CEP135: variants seen among roughly 807,000 people sequenced by gnomAD.
The protein encoded by CEP135 is centrosomal protein of 135 kDa.
Under a neutral mutation model 157.3 loss-of-function variants are expected in CEP135, and 142 were observed. The ratio of observed to expected loss-of-function variants is 0.90; its 90% CI spans 0.79 to 1.04. The LOEUF is 1.04. Ranked by LOEUF, CEP135 falls within the 50% of genes least tolerant of loss-of-function variation. CEP135 has a pLI of 0.00. For missense variants in CEP135, 1,317 were observed against 1,309.2 expected, an observed-to-expected ratio of 1.01 and a Z score of -0.09; for synonymous variants, 396 against 439.8, an observed-to-expected ratio of 0.90 and a Z score of 1.25.
At chr4:55,956,746 G>A (rs978386686) in intron 4 of CEP135, among the ~76,000 whole-genome samples, 1 of 152,118 alleles carries the variant, frequency 6.6e-6, no homozygotes, top group Non-Finnish European at 1.5e-5. Context: ...AAGTAGCTGG[G>A]ATTACAGGTG....
At chr4:56,029,189 A>G (rs975545400) in intron 25 of CEP135, among the ~76,000 whole-genome samples, 1 of 152,238 alleles carries the variant, frequency 6.6e-6, no homozygotes, top group African/African-American at 2.4e-5. Flanking sequence ...GCCACCCTGT[A>G]AGCATCGCCA....
intron 6 of CEP135, among the ~76,000 whole-genome samples, chr4:55,961,101 CAAAAAAAAAAAA>C (rs59483327): frequency 1.4e-5 from 1 of 70,000 alleles, no homozygotes; most frequent in Non-Finnish European, 3.1e-5. Flanking sequence ...GACTCTGTCT[CAAAAAAAAAAAA>C]AAAAAAAGGA....
chr4:56,027,305 C>G (rs549594864), intron 25 of CEP135, among the ~76,000 whole-genome samples: 1 of 152,296 alleles, frequency 6.6e-6, no homozygotes, highest in South Asian at 2.1e-4. Context: ...CAAGCCAAAT[C>G]CATACCACTG....
rs144145450 is a variant in CEP135 at position 55,961,823 on chromosome 4, T to C, written c.699+2057T>C. On this transcript the variant is annotated intron_variant, in intron 6 of 25. Transcript: ENST00000257287. Reference sequence around the variant, plus strand: ...CATCTTCTGAGAATGTCACCTTGTCTCAACTTTCTATCTCTACCTTTAAAA... The same window carrying C: ...CATCTTCTGAGAATGTCACCTTGTCCCAACTTTCTATCTCTACCTTTAAAA... 8.4e-5 allele frequency among the ~76,000 whole-genome samples: 12 copies of C among 142,356 alleles called. No homozygotes were observed. The East Asian group carries it at 2.7e-3, about 31-fold the overall frequency. 93.4% of individuals were successfully genotyped at this position (142,356 alleles called of 152,430 possible). A position where few individuals can be genotyped will look rare whatever the true frequency, so the allele number is the denominator to read the frequency against.
At chr4:56,026,978 A>G (rs1731177309) in intron 25 of CEP135, among the ~76,000 whole-genome samples, 1 of 152,242 alleles carries the variant, frequency 6.6e-6, no homozygotes, top group Non-Finnish European at 1.5e-5. Flanking sequence ...CTCATTGTGA[A>G]CATTAGTTAT....
chr4:56,014,736 G>A (rs73240507), intron 21 of CEP135, among the ~76,000 whole-genome samples: 7,855 of 152,162 alleles, frequency 0.052, 228 homozygotes, highest in Non-Finnish European at 0.066. Flanking sequence ...AAAAAAGAAA[G>A]CAAGACATGA....
intron 10 of CEP135, among the ~76,000 whole-genome samples, chr4:55,973,230 T>C (rs1392953198): frequency 6.6e-6 from 1 of 152,170 alleles, no homozygotes. Flanking sequence ...ACCAGGCACA[T>C]TGAGAGCACT....
intron 13 of CEP135, among the ~76,000 whole-genome samples, chr4:55,982,507 A>G (rs934551932): frequency 6.6e-6 from 1 of 152,162 alleles, no homozygotes; most frequent in Admixed American, 6.5e-5. Context: ...TTTGATTTGC[A>G]TTGCCTTGAG....
chr4:56,012,525 C>T (rs1190181762), intron 21 of CEP135, among the ~76,000 whole-genome samples: 1 of 152,146 alleles, frequency 6.6e-6, no homozygotes, highest in African/African-American at 2.4e-5. Context: ...AGTTCTGTGG[C>T]ATTAGTACAT....
intron 17 of CEP135, among the ~76,000 whole-genome samples, chr4:56,002,410 C>G (rs1052393622): frequency 3.9e-4 from 60 of 151,980 alleles, no homozygotes; most frequent in African/African-American, 1.4e-3. Flanking sequence ...TATTTTCTTT[C>G]TGTACCCTTT....
chr4:56,001,580 A>G (rs1276210298), intron 17 of CEP135, among the ~76,000 whole-genome samples: 2 of 152,092 alleles, frequency 1.3e-5, no homozygotes, highest in Admixed American at 6.5e-5. Context: ...GTGTGGATTT[A>G]TATCTGGGTC....
chr4:55,965,693 A>G lies in CEP135; in HGVS notation c.878A>G (p.Glu293Gly), dbSNP rs779910712. 17 of 1,613,740 alleles carry G rather than the reference A, an allele frequency of 1.1e-5. No individual in the cohort carries two copies. In the Admixed American group the frequency reaches 2.8e-4, roughly 27 times the overall value. Residue 293 changes from glutamate (E) to glycine (G), a missense_variant, in exon 8 of 26, where the codon GAG becomes GGG. By Grantham distance (98) the Glu-to-Gly change is moderately conservative. Transcript: ENST00000257287. ...ANKDLEKRIR[E>G]LMETKETVTS... ...AAAGACCTGGAGAAGCGTATACGAG[A>G]GCTTATGGAAACCAAGGAAACAGTG...
intron 14 of CEP135, among the ~76,000 whole-genome samples, chr4:55,989,827 G>A (rs1729725656): frequency 6.6e-6 from 1 of 152,188 alleles, no homozygotes. Flanking sequence ...TAGCTCCTAG[G>A]AGTGCAAACT....
intron 18 of CEP135, 71 bp from the exon 19 acceptor site, chr4:56,009,664 T>A (rs767135143): frequency 7.4e-7 from 1 of 1,355,328 alleles, no homozygotes; most frequent in East Asian, 2.4e-5. Context: ...ACTTAGACTA[T>A]AAGTTTTCTT....
intron 24 of CEP135, 138 bp from the exon 25 acceptor site, chr4:56,024,363 C>G (rs1731079527): frequency 1.9e-6 from 1 of 525,124 alleles, no homozygotes; most frequent in Non-Finnish European, 3.3e-6. Context: ...AAAAATTGTA[C>G]AAAGACATAG....
chr4:56,013,025 G>T, intron 21 of CEP135, among the ~76,000 whole-genome samples: 1 of 152,094 alleles, frequency 6.6e-6, no homozygotes, highest in Non-Finnish European at 1.5e-5. Context: ...ATGCACGAGG[G>T]TTCCAGTTGC....
chr4:56,018,029 T>G (rs1406168054), intron 22 of CEP135, among the ~76,000 whole-genome samples, 172 bp downstream of exon 22: 2 of 152,044 alleles, frequency 1.3e-5, no homozygotes, highest in Non-Finnish European at 2.9e-5. Flanking sequence ...AGTGGTGCGA[T>G]CTCAACTCAC....
intron 5 of CEP135, 146 bp from the exon 6 acceptor site, chr4:55,959,536 T>C (rs1577866339): frequency 1.5e-6 from 1 of 679,282 alleles, no homozygotes; most frequent in East Asian, 2.7e-5. Context: ...ATATTTTATA[T>C]TGATTTGGGG....
In CEP135 at chr4:56,011,868, C is replaced by T. The variant is rs1730596106; in HGVS notation, c.2685C>T (p.Val895=). 6 of 1,607,304 alleles carry T rather than the reference C, an allele frequency of 3.7e-6. No homozygotes were observed. Among genetic ancestry groups the T allele is most frequent in the Non-Finnish European group, 5.1e-6 (6 of 1,176,920 alleles). ...ATAACCGTGCTGAAGACTGGGAGGTCAAAGCCCATCAAGCTGAGGGAGAAA... is the reference window on the plus strand; with the variant it reads ...ATAACCGTGCTGAAGACTGGGAGGTTAAAGCCCATCAAGCTGAGGGAGAAA... ...MLHNRAEDWE[V]KAHQAEGESS... The change falls in exon 21 of 26, where the codon GTC becomes GTT. Residue 895 remains valine (V), a synonymous_variant. Transcript: ENST00000257287.
Sources: allele counts gnomAD v4.1 joint callset (sites outside exome capture counted in the v4.1 genomes callset), GRCh38; gene constraint gnomAD v4.1.1; transcripts MANE v1.5; gene names NCBI Gene and HGNC (gene_info 2026-07-23, HGNC 2026-07-21).